The following MAP3K4 variants were observed in gnomAD, a reference collection of about 807,000 sequenced individuals.
MAP3K4 encodes the protein MAP three kinase 1.
In MAP3K4, 67 loss-of-function variants were observed where a neutral mutation model predicts 185.6. The ratio of observed to expected loss-of-function variants is 0.36; its 90% confidence interval spans 0.30 to 0.44. The LOEUF (loss-of-function observed/expected upper bound fraction) is 0.44, where lower values mean the gene tolerates loss of function less well. MAP3K4 is among the 20% of genes least tolerant of loss of function. The pLI, the probability that MAP3K4 is intolerant of heterozygous loss-of-function variation, is 1.00. For missense variants in MAP3K4, 1,551 were observed against 1,995.1 expected (o/e 0.78, Z 4.24); for synonymous variants, 702 against 710.4 (o/e 0.99, Z 0.19).
intron 3 of MAP3K4, among the ~76,000 whole-genome samples, chr6:161,068,233 G>A (rs1042815033): frequency 1.3e-5 from 2 of 152,168 alleles, no homozygotes; most frequent in Non-Finnish European, 2.9e-5. Flanking sequence ...AACAGAGGAA[G>A]CATTTGCAAG....
At chr6:161,095,123 C>T (rs1471783568) in intron 15 of MAP3K4, among the ~76,000 whole-genome samples, 1 of 152,178 alleles carries the variant, frequency 6.6e-6, no homozygotes, top group East Asian at 1.9e-4. Flanking sequence ...ATGCCTGCCA[C>T]TCCAAACTGC....
chr6:161,071,043 G>A lies in MAP3K4; in HGVS notation c.1950+193G>A, dbSNP rs771788386. On this transcript the variant is annotated intron_variant, in intron 4 of 26. Coordinates refer to ENST00000392142, the MANE Select transcript of MAP3K4 (RefSeq NM_005922.4). This position sits in a 1 kb window ranked among gnomAD's most constrained non-coding sequence, Gnocchi z 4.6. The stretch of plus-strand genomic sequence containing the variant: ...CTTTATATGCGGTCCTCAAAGGTAA[G>A]ATTGTGGTTCATCCTTTCTGTCATC... 7.2e-5 allele frequency among the ~76,000 whole-genome samples: 11 copies of A among 152,128 alleles called. No individual in the cohort carries two copies. The highest frequency in any genetic ancestry group is 1.3e-4 in the Non-Finnish European group (9 of 68,020).
Position 161,086,733 on chromosome 6 carries a change from C to G in MAP3K4, c.2556+66C>G, listed in dbSNP as rs1380208221. 3 of 1,337,952 alleles carry G rather than the reference C, an allele frequency of 2.2e-6. No homozygotes were observed. Among genetic ancestry groups the G allele is most frequent in the Admixed American group, 1.9e-5 (1 of 53,082 alleles). 82.9% of individuals were successfully genotyped at this position (1,337,952 alleles called of 1,614,324 possible). On this transcript the variant is annotated intron_variant, in intron 9 of 26. Coordinates refer to ENST00000392142, the MANE Select transcript of MAP3K4 (RefSeq NM_005922.4). This position sits in a 1 kb window ranked among gnomAD's most constrained non-coding sequence, Gnocchi z 4.8. ...CCTTCTTTATTCTAAAACAGGCAGA[C>G]TTTTTCTTGAAGGTCCAGATAGTAA... is the stretch of plus-strand genomic sequence containing the variant.
intron 1 of MAP3K4, among the ~76,000 whole-genome samples, chr6:161,010,452 A>G (rs1781793162): frequency 6.6e-6 from 1 of 152,186 alleles, no homozygotes; most frequent in African/African-American, 2.4e-5. Context: ...TTTAATAAAC[A>G]TTTCTTGGTT....
chr6:161,046,550 A>T (rs1783739278), intron 2 of MAP3K4, among the ~76,000 whole-genome samples: 1 of 151,774 alleles, frequency 6.6e-6, no homozygotes, highest in Non-Finnish European at 1.5e-5. Flanking sequence ...TAGTTTGTAT[A>T]CTAAAATACA....
chr6:161,100,111 G>T lies in MAP3K4; in HGVS notation c.3674+1684G>T, dbSNP rs992129987. Among the ~76,000 whole-genome samples, 2 of 152,220 alleles carry T rather than the reference G, an allele frequency of 1.3e-5. No homozygotes were observed. Among genetic ancestry groups the T allele is most frequent in the African/African-American group, 4.8e-5 (2 of 41,464 alleles). ...GCACAGCCACGTGAAGAGGTGTGGG[G>T]TGGTTACCAGACTCCCTCCTGCATT... On this transcript the variant is annotated intron_variant, in intron 17 of 26. Coordinates refer to ENST00000392142, the MANE Select transcript of MAP3K4 (RefSeq NM_005922.4). This position sits in a 1 kb window ranked among gnomAD's most constrained non-coding sequence, Gnocchi z 5.8.
At chr6:161,052,429 C>G (rs770168081) in intron 3 of MAP3K4, among the ~76,000 whole-genome samples, 1 of 152,098 alleles carries the variant, frequency 6.6e-6, no homozygotes, top group East Asian at 1.9e-4. Context: ...AAAAGAAACA[C>G]GAATTCAAAG....
intron 1 of MAP3K4, among the ~76,000 whole-genome samples, chr6:161,005,671 G>GAT (rs1430338252): frequency 6.6e-6 from 1 of 152,154 alleles, no homozygotes; most frequent in Non-Finnish European, 1.5e-5. Context: ...TTAAGTAGTA[G>GAT]TAATGTTAGC....
intron 2 of MAP3K4, among the ~76,000 whole-genome samples, chr6:161,041,489 G>A (rs1191354552): frequency 6.6e-6 from 1 of 152,226 alleles, no homozygotes; most frequent in African/African-American, 2.4e-5. Flanking sequence ...GTCGCATGGA[G>A]GACTTGCCTC....
In MAP3K4 at chr6:161,048,997, A is replaced by G; in HGVS notation, c.725A>G (p.Lys242Arg). ...AAGCTTACCTCAGTCTCAAAGAAAAAAGACAGGGAGCAAAGAGGACAAGAA... is the reference window on the plus strand; with the variant it reads ...AAGCTTACCTCAGTCTCAAAGAAAAGAGACAGGGAGCAAAGAGGACAAGAA... The part of the protein sequence containing the change: ...LLKLTSVSKK[K>R]DREQRGQENT... The change falls in exon 3 of 27, where the codon AAA becomes AGA. Residue 242 changes from lysine (K) to arginine (R), a missense_variant. Transcript: ENST00000392142. The surrounding 1 kb of genome is among the most constrained non-coding windows in gnomAD (Gnocchi z 4.7). The G allele has an allele frequency of 4.3e-6, 7 of 1,614,086 alleles. No individual in the cohort carries two copies. The highest frequency in any genetic ancestry group is 5.9e-6 in the Non-Finnish European group (7 of 1,179,986).
rs1778200543 is a variant in MAP3K4 at position 161,108,402 on chromosome 6, CTG to C, written c.4120-338_4120-337del. ...AAGTAGAAACAGGACTCACTGCTGT[CTG>C]TGGAGACATCCGGTTTGACGTGGAA... is the stretch of plus-strand genomic sequence containing the variant. On this transcript the variant is annotated intron_variant, in intron 21 of 26. Transcript: ENST00000392142. This position sits in a 1 kb window ranked among gnomAD's most constrained non-coding sequence, Gnocchi z 5.7. Among the ~76,000 whole-genome samples the C allele has an allele frequency of 6.6e-6, 1 of 152,188 alleles. No homozygotes were observed. Among genetic ancestry groups the C allele is most frequent in the Non-Finnish European group, 1.5e-5 (1 of 68,038 alleles).
intron 2 of MAP3K4, among the ~76,000 whole-genome samples, chr6:161,041,615 G>T (rs1469109094): frequency 4.6e-5 from 7 of 152,222 alleles, no homozygotes; most frequent in African/African-American, 1.7e-4. Flanking sequence ...ACTTTCAGGA[G>T]CACAGGAAAT....
At chr6:161,089,960 G>C (rs1785944375) in intron 11 of MAP3K4, among the ~76,000 whole-genome samples, 1 of 152,148 alleles carries the variant, frequency 6.6e-6, no homozygotes, top group African/African-American at 2.4e-5. Flanking sequence ...CCCCAGCCTG[G>C]CTGTCTTTTT....
rs748105108 is a variant in MAP3K4 at position 161,112,028 on chromosome 6, TCA to T, written c.4519+72_4519+73del. 1.3e-4 allele frequency: 208 copies of T among 1,577,238 alleles called. 1 individual carries two copies. The highest frequency in any genetic ancestry group is 1.8e-4 in the Non-Finnish European group (204 of 1,159,698). The stretch of plus-strand genomic sequence containing the variant: ...CCTGCTTGGGGCCTGCATGTTCCCT[TCA>T]CCTTTGTTTGTCAGTAGAGATGGGA... On this transcript the variant is annotated intron_variant, in intron 24 of 26. Coordinates refer to ENST00000392142, the MANE Select transcript of MAP3K4 (RefSeq NM_005922.4). The surrounding 1 kb of genome is among the most constrained non-coding windows in gnomAD (Gnocchi z 5.1).
intron 1 of MAP3K4, among the ~76,000 whole-genome samples, chr6:161,027,647 A>G (rs543101166): frequency 6.6e-6 from 1 of 152,236 alleles, no homozygotes; most frequent in Non-Finnish European, 1.5e-5. Flanking sequence ...GCACTAAAAG[A>G]CAAGGCTGTA....
Position 160,992,079 on chromosome 6 carries a change from G to T in MAP3K4, c.148G>T (p.Ala50Ser). The stretch of plus-strand genomic sequence containing the variant: ...GTCAGAACCCGAGTGCTGCTTGGCG[G>T]CGAGGTGAGTGTGGCGGCCGCAGTC... ...TESEPECCLA[A>S]RQEGTLGDSA... The change falls in exon 1 of 27, where the codon GCG (alanine) becomes TCG (serine). Residue 50 changes from alanine (A) to serine (S), a missense_variant. Transcript: ENST00000392142. 1.3e-6 allele frequency: 2 copies of T among 1,569,884 alleles called. No homozygotes were observed. The highest frequency in any genetic ancestry group is 1.7e-6 in the Non-Finnish European group (2 of 1,164,180).
intron 4 of MAP3K4, among the ~76,000 whole-genome samples, chr6:161,072,525 T>C (rs1784995558): frequency 6.6e-6 from 1 of 152,236 alleles, no homozygotes; most frequent in African/African-American, 2.4e-5. Context: ...ACAATTTATT[T>C]GGTTAATCAT....
chr6:161,068,816 C>T (rs563213362), intron 3 of MAP3K4, among the ~76,000 whole-genome samples: 25 of 152,234 alleles, frequency 1.6e-4, no homozygotes, highest in African/African-American at 3.4e-4. Context: ...CCAAGCTGTC[C>T]GTTGGAAATG....
In MAP3K4 at chr6:161,115,305, T is replaced by A; in HGVS notation, c.4806+3T>A. On this transcript the variant is annotated splice_donor_region_variant and intron_variant, in intron 26 of 26. Transcript: ENST00000392142. This position sits in a 1 kb window ranked among gnomAD's most constrained non-coding sequence, Gnocchi z 6.0. ...TCCTCGACCATTCGTTTGTCAAGGTTTGGCAGATTACTGGATAGTCTTTTT... is the reference window on the plus strand; with the variant it reads ...TCCTCGACCATTCGTTTGTCAAGGTATGGCAGATTACTGGATAGTCTTTTT... 4 of 1,611,278 alleles carry A rather than the reference T, an allele frequency of 2.5e-6. No homozygotes were observed. The highest frequency in any genetic ancestry group is 3.4e-6 in the Non-Finnish European group (4 of 1,178,034).
Sources: gnomAD v4.1 joint callset for allele counts (sites outside exome capture counted in the v4.1 genomes callset) on GRCh38, gnomAD v4.1.1 for gene constraint, Gnocchi (gnomAD v3.1) non-coding constraint, MANE v1.5 for transcripts, NCBI Gene and HGNC (gene_info 2026-07-23, HGNC 2026-07-21) for gene names.